Variants in CYB5R1 observed in about 807,000 individuals in gnomAD.
CYB5R1 encodes the protein cytochrome b5 reductase 1, also known as NADH-cytochrome b5 reductase 1.
In CYB5R1, 32 loss-of-function variants were observed where a neutral mutation model predicts 37.4. That is an observed-to-expected ratio of 0.86 (90% confidence interval 0.65 to 1.15). CYB5R1 has a LOEUF of 1.15. Ranked by LOEUF, CYB5R1 falls within the 50% of genes most tolerant of loss-of-function variation. CYB5R1 has a pLI of 0.00. For synonymous variants in CYB5R1, 159 were observed against 155.2 expected (o/e 1.02, Z -0.18); for missense variants, 345 against 382.5 (o/e 0.90, Z 0.82).
Position 202,963,006 on chromosome 1 carries a change from G to T in CYB5R1, c.745+60C>A. The T allele has an allele frequency of 2.7e-6, 4 of 1,475,584 alleles. No homozygotes were observed. The South Asian group carries it at 3.4e-5, about 13-fold the overall frequency. The allele number at this position is 1,475,584 out of a possible 1,614,324, so 91.4% of individuals were successfully genotyped here. A position where few individuals can be genotyped will look rare whatever the true frequency, so the allele number is the denominator to read the frequency against. The stretch of plus-strand genomic sequence containing the variant: ...TCAATGAAGCCAGAATTCACAAAGG[G>T]GCAAGGCTTTGATTTTGACGATGAG... On this transcript the variant is annotated intron_variant, in intron 8 of 8. Transcript: ENST00000367249.
chr1:202,966,449 G>GC, intron 3 of CYB5R1, 79 bp downstream of exon 3: 7 of 1,495,498 alleles, frequency 4.7e-6, no homozygotes, highest in Non-Finnish European at 5.6e-6. Flanking sequence ...GGTTGAAGCA[G>GC]CGTGTTTCAT....
chr1:202,964,645 C>G lies in CYB5R1; in HGVS notation c.526G>C (p.Ala176Pro). Residue 176 changes from alanine (A) to proline (P), a missense_variant, in exon 6 of 9, where the codon GCG becomes CCG. Transcript: ENST00000367249. ...NKKSPPEPRV[A>P]KKLGMIAGGT... ...CCGGCAATCATTCCCAGTTTCTTCG[C>G]CACTCGGGGTTCTGGTGGAGATTTC... 1 of 1,613,846 alleles carries G rather than the reference C, an allele frequency of 6.2e-7. No individual in the cohort carries two copies. Among genetic ancestry groups the G allele is most frequent in the African/African-American group, 1.3e-5 (1 of 75,022 alleles).
intron 3 of CYB5R1, 41 bp downstream of exon 3, chr1:202,966,487 G>A (rs1046936134): frequency 1.9e-6 from 3 of 1,604,578 alleles, no homozygotes; most frequent in Non-Finnish European, 2.6e-6. Flanking sequence ...GTCACCTTCT[G>A]AGGATACCAG....
chr1:202,962,720 A>C (rs776228063), intron 8 of CYB5R1, 21 bp from the exon 9 acceptor site: 2 of 1,613,628 alleles, frequency 1.2e-6, no homozygotes, highest in Non-Finnish European at 1.7e-6. Context: ...GGGAGAAGAA[A>C]GTACTTAATA....
Position 202,963,129 on chromosome 1 carries a change from C to A in CYB5R1, c.682G>T (p.Glu228Ter). 6.2e-7 allele frequency: 1 copy of A among 1,614,158 alleles called. No homozygotes were observed. Among genetic ancestry groups the A allele is most frequent in the Non-Finnish European group, 8.5e-7 (1 of 1,180,024 alleles). The change falls in exon 8 of 9, where the codon GAA becomes TAA. Residue 228 changes from glutamate (E) to a stop codon, truncating the protein, a stop_gained. Coordinates refer to ENST00000367249, the MANE Select transcript of CYB5R1 (RefSeq NM_016243.3). LOFTEE classifies it high-confidence loss of function. ...CGATTGGGATAGCGGGCCTGCAGTTCCTCTAAGTCCTCCCGCAAGATGATA... is the reference window on the plus strand; with the variant it reads ...CGATTGGGATAGCGGGCCTGCAGTTACTCTAAGTCCTCCCGCAAGATGATA... Reference protein sequence around the residue: ...KDIILREDLEELQARYPNRFK... With the variant: ...KDIILREDLE
chr1:202,965,533 G>T, intron 4 of CYB5R1, 33 bp from the exon 5 acceptor site: 1 of 1,552,872 alleles, frequency 6.4e-7, no homozygotes, highest in South Asian at 1.2e-5. Context: ...ACCTTATTTG[G>T]AATGTCACTG....
At chr1:202,964,529 T>A (rs2232847) in intron 6 of CYB5R1, 83 bp downstream of exon 6, 303,666 of 1,035,256 alleles carry the variant, frequency 0.29, 47,553 homozygotes, top group Non-Finnish European at 0.34. Context: ...TGGCTATGGT[T>A]ACCAGTCTTC....
chr1:202,965,898 G>A lies in CYB5R1; in HGVS notation c.334C>T (p.Leu112Phe). Residue 112 changes from leucine (L) to phenylalanine (F), a missense_variant, in exon 4 of 9, where the codon CTT becomes TTT. Leu to Phe is a conservative substitution (Grantham distance 22). Coordinates refer to ENST00000367249, the MANE Select transcript of CYB5R1 (RefSeq NM_016243.3). ...TCCTAGCCCCTTACCTTGATGACAA[G>A]ATCCACATAGCCTTGATCCTCATCA... is the stretch of plus-strand genomic sequence containing the variant. ...TSDEDQGYVDLVIKVYLKGVH... is the reference protein window; with the variant it reads ...TSDEDQGYVDFVIKVYLKGVH... 6.2e-7 allele frequency: 1 copy of A among 1,610,268 alleles called. No homozygotes were observed. Among genetic ancestry groups the A allele is most frequent in the Non-Finnish European group, 8.5e-7 (1 of 1,176,522 alleles).
chr1:202,966,667 CA>C, intron 2 of CYB5R1, 67 bp from the exon 3 acceptor site: 2 of 1,613,442 alleles, frequency 1.2e-6, no homozygotes, highest in East Asian at 2.2e-5. Flanking sequence ...TTGGACATCC[CA>C]ACCACCGTGG....
chr1:202,963,032 G>A (rs1466606941), intron 8 of CYB5R1, 34 bp downstream of exon 8: 1 of 1,552,156 alleles, frequency 6.4e-7, no homozygotes, highest in Admixed American at 1.7e-5. Context: ...TGACGATGAG[G>A]GGATAGTGGG....
chr1:202,963,208 G>A (rs760414191), intron 7 of CYB5R1, 43 bp from the exon 8 acceptor site: 1 of 1,476,080 alleles, frequency 6.8e-7, no homozygotes, highest in Admixed American at 1.8e-5. Context: ...AGTCTTCTCA[G>A]GCCCACATAA....
intron 5 of CYB5R1, 183 bp from the exon 6 acceptor site, chr1:202,964,878 G>C (rs995099005): frequency 1.6e-5 from 10 of 608,910 alleles, no homozygotes; most frequent in Non-Finnish European, 2.7e-5. Context: ...AGGGACAATG[G>C]GGCCAGGGCT....
intron 6 of CYB5R1, chr1:202,963,984 G>A: frequency 2.8e-6 from 1 of 353,534 alleles, no homozygotes; most frequent in South Asian, 7.4e-5. Flanking sequence ...AAAGTCCTTT[G>A]GAGGCTAGGA....
intron 4 of CYB5R1, 132 bp from the exon 5 acceptor site, chr1:202,965,632 T>A: frequency 1.1e-6 from 1 of 948,524 alleles, no homozygotes; most frequent in Non-Finnish European, 1.4e-6. Flanking sequence ...ATACTTTCTT[T>A]CTTTCTTTTT....
intron 3 of CYB5R1, 169 bp downstream of exon 3, chr1:202,966,359 C>CT (rs1176351564): frequency 1.4e-5 from 10 of 724,822 alleles, no homozygotes; most frequent in Non-Finnish European, 2.1e-5. Flanking sequence ...AAGCCACACT[C>CT]TAGAGGGGCC....
intron 6 of CYB5R1, 28 bp downstream of exon 6, chr1:202,964,584 G>A (rs1655049670): frequency 3.9e-6 from 6 of 1,542,224 alleles, no homozygotes; most frequent in South Asian, 1.1e-5. Context: ...AACAATGGTG[G>A]GAGAGAAAGG....
intron 5 of CYB5R1, 138 bp downstream of exon 5, chr1:202,965,233 A>G (rs1315841813): frequency 1.1e-6 from 1 of 941,756 alleles, no homozygotes; most frequent in Non-Finnish European, 1.5e-6. Context: ...TTTCTATTGT[A>G]TCAGCGCTAT....
At chr1:202,965,697 A>G (rs1248916814) in intron 4 of CYB5R1, among the ~76,000 whole-genome samples, 190 bp downstream of exon 4, 7 of 150,690 alleles carry the variant, frequency 4.6e-5, no homozygotes, top group Non-Finnish European at 1.0e-4. Flanking sequence ...CAGTGGCGCA[A>G]TCTTGGCTCA....
chr1:202,962,700 C>A lies in CYB5R1; in HGVS notation c.746-1G>T. 1 of 1,614,004 alleles carries A rather than the reference C, an allele frequency of 6.2e-7. No homozygotes were observed. Among genetic ancestry groups the A allele is most frequent in the Non-Finnish European group, 8.5e-7 (1 of 1,179,998 alleles). ...ACAAAGCCCTTGCTGTAGGCCCAAT[C>A]TGAAGTATGGGGAGAAGAAAGTACT... On this transcript the variant is annotated splice_acceptor_variant, in intron 8 of 8. Coordinates refer to ENST00000367249, the MANE Select transcript of CYB5R1 (RefSeq NM_016243.3). LOFTEE classifies it high-confidence loss of function.
Sources: gnomAD v4.1 joint callset for allele counts (sites outside exome capture counted in the v4.1 genomes callset) on GRCh38, gnomAD v4.1.1 for gene constraint, MANE v1.5 for transcripts, NCBI Gene and HGNC (gene_info 2026-07-23, HGNC 2026-07-21) for gene names.